The following RIC1 variants were observed in gnomAD, a reference collection of about 807,000 sequenced individuals.
The protein encoded by RIC1 is guanine nucleotide exchange factor subunit RIC1.
In RIC1, 88 loss-of-function variants were observed where a neutral mutation model predicts 169.0. That is an observed-to-expected ratio of 0.52 (90% CI 0.44 to 0.62). The LOEUF (loss-of-function observed/expected upper bound fraction) is 0.62, where lower values mean the gene tolerates loss of function less well. Among genes scored for constraint, RIC1 ranks in the 20% least tolerant of loss-of-function variants. RIC1 has a pLI of 0.00. For synonymous variants in RIC1, 790 were observed against 601.5 expected (o/e 1.31, Z -4.59); for missense variants, 1,877 against 1,725.5 (o/e 1.09, Z -1.56).
chr9:5,728,879 A>G (rs1824177544), intron 6 of RIC1, among the ~76,000 whole-genome samples: 1 of 152,230 alleles, frequency 6.6e-6, no homozygotes, highest in Non-Finnish European at 1.5e-5. Flanking sequence ...ACAGAGACCT[A>G]AAATTAAAAT....
At chr9:5,771,348 C>T (rs1247188332) in intron 23 of RIC1, among the ~76,000 whole-genome samples, 1 of 152,140 alleles carries the variant, frequency 6.6e-6, no homozygotes. Flanking sequence ...TTTCACTTAG[C>T]ATAATGTCCT....
At chr9:5,649,200 C>G (rs1459094883) in intron 1 of RIC1, among the ~76,000 whole-genome samples, 1 of 152,158 alleles carries the variant, frequency 6.6e-6, no homozygotes, top group East Asian at 1.9e-4. Context: ...GTAGAATCCT[C>G]AAACTAGAAA....
rs542195978 is a variant in RIC1 at position 5,728,265 on chromosome 9, C to T, written c.721-4123C>T. ...ATGGTAGACACCCCTCCCCCAGCTT[C>T]GCTGCCATCTTGCAGTTCAATCTGA... is the stretch of plus-strand genomic sequence containing the variant. On this transcript the variant is annotated intron_variant, in intron 6 of 25. Transcript: ENST00000414202. 5.3e-5 allele frequency among the ~76,000 whole-genome samples: 8 copies of T among 152,360 alleles called. No homozygotes were observed. In the East Asian group the frequency reaches 5.8e-4, roughly 11 times the overall value.
intron 4 of RIC1, among the ~76,000 whole-genome samples, chr9:5,715,906 G>A (rs547453155): frequency 1.1e-4 from 17 of 151,172 alleles, no homozygotes; most frequent in Admixed American, 5.9e-4. Context: ...TAATTGCAGC[G>A]GCATGATCAC....
chr9:5,777,229 ACTC>A (rs767363777), downstream of RIC1, among the ~76,000 whole-genome samples: 2 of 150,300 alleles, frequency 1.3e-5, no homozygotes, highest in African/African-American at 4.9e-5. Flanking sequence ...TCTGGATACT[ACTC>A]TTTTATGTAC....
intron 6 of RIC1, among the ~76,000 whole-genome samples, chr9:5,721,632 C>T (rs1194897431): frequency 2.0e-5 from 3 of 152,230 alleles, no homozygotes; most frequent in Non-Finnish European, 2.9e-5. Context: ...TCCCATCTTT[C>T]AGCCTTCAGG....
At chr9:5,734,400 G>A (rs993237776) in intron 7 of RIC1, among the ~76,000 whole-genome samples, 7 of 151,852 alleles carry the variant, frequency 4.6e-5, no homozygotes, top group East Asian at 1.9e-4. Context: ...CACTGGGCCC[G>A]GCCCAGTTTT....
At chr9:5,759,379 A>T (rs111796521) in intron 17 of RIC1, among the ~76,000 whole-genome samples, 40 of 152,350 alleles carry the variant, frequency 2.6e-4, no homozygotes, top group African/African-American at 9.6e-4. Flanking sequence ...ACAAGGGAGC[A>T]GAATACAAGA....
chr9:5,657,172 C>G (rs575815377), intron 2 of RIC1, among the ~76,000 whole-genome samples: 1 of 152,158 alleles, frequency 6.6e-6, no homozygotes, highest in African/African-American at 2.4e-5. Flanking sequence ...AAATTCCTCC[C>G]TTCCATTCCA....
chr9:5,773,327 C>T (rs909105878), intron 25 of RIC1: 7 of 177,234 alleles, frequency 3.9e-5, no homozygotes, highest in Non-Finnish European at 7.0e-5. Flanking sequence ...GAATGTATAT[C>T]ACTGACTTAA....
chr9:5,770,302 CTCTTCA>C (rs1384974261), intron 23 of RIC1, 24 bp downstream of exon 23: 2 of 1,588,986 alleles, frequency 1.3e-6, no homozygotes. Flanking sequence ...TAAATCCTAG[CTCTTCA>C]GTTCCTTTGA....
intron 4 of RIC1, among the ~76,000 whole-genome samples, chr9:5,715,969 C>G (rs558003152): frequency 6.6e-6 from 1 of 151,994 alleles, no homozygotes; most frequent in African/African-American, 2.4e-5. Flanking sequence ...CTCAGCCTAT[C>G]AAGTAGCTGG....
chr9:5,647,060 A>G (rs940409913), intron 1 of RIC1, among the ~76,000 whole-genome samples: 3 of 152,160 alleles, frequency 2.0e-5, no homozygotes, highest in Non-Finnish European at 2.9e-5. Flanking sequence ...TTTGTTGAAA[A>G]GACTTTCTTT....
At chr9:5,656,757 C>G (rs562551106) in intron 2 of RIC1, 67 bp downstream of exon 2, 9 of 893,834 alleles carry the variant, frequency 1.0e-5, no homozygotes, top group African/African-American at 1.0e-4. Flanking sequence ...AAATTTGATT[C>G]TCTTAGATGA....
intron 6 of RIC1, among the ~76,000 whole-genome samples, chr9:5,724,977 T>A (rs1823868948): frequency 6.6e-6 from 1 of 152,190 alleles, no homozygotes; most frequent in Non-Finnish European, 1.5e-5. Context: ...TATTGAGGAT[T>A]TTTGCATCAT....
chr9:5,635,544 C>G (rs905776503), intron 1 of RIC1, among the ~76,000 whole-genome samples: 1 of 152,126 alleles, frequency 6.6e-6, no homozygotes, highest in East Asian at 1.9e-4. Flanking sequence ...GTCTATGTAT[C>G]TCTTTTTATG....
At chr9:5,666,697 C>T (rs1027754727) in intron 2 of RIC1, among the ~76,000 whole-genome samples, 1 of 152,146 alleles carries the variant, frequency 6.6e-6, no homozygotes, top group Non-Finnish European at 1.5e-5. Flanking sequence ...GATTTTCCTA[C>T]ATTGAATCAT....
intron 4 of RIC1, among the ~76,000 whole-genome samples, chr9:5,717,038 A>G (rs1823290193): frequency 2.0e-5 from 3 of 152,146 alleles, no homozygotes; most frequent in Admixed American, 2.0e-4. Context: ...CTCTTCCTGT[A>G]GATTATTTAT....
At chr9:5,658,537 A>G (rs183972274) in intron 2 of RIC1, among the ~76,000 whole-genome samples, 1 of 152,246 alleles carries the variant, frequency 6.6e-6, no homozygotes, top group Admixed American at 6.5e-5. Flanking sequence ...AATGACCTGC[A>G]GAACAATTCC....
Sources: gnomAD v4.1 joint callset for allele counts (sites outside exome capture counted in the v4.1 genomes callset) on GRCh38, gnomAD v4.1.1 for gene constraint, MANE v1.5 for transcripts, NCBI Gene and HGNC (gene_info 2026-07-23, HGNC 2026-07-21) for gene names.